The following CRPPA variants were observed in gnomAD, a reference collection of about 807,000 sequenced individuals.
CRPPA encodes the protein CDP-L-ribitol pyrophosphorylase A.
CRPPA carries 43 observed loss-of-function variants against 52.0 expected under a neutral mutation model. The ratio of observed to expected loss-of-function variants is 0.83; its 90% CI spans 0.65 to 1.07. The LOEUF is 1.07. Ranked by LOEUF, CRPPA falls within the 50% of genes least tolerant of loss-of-function variation. The pLI, the probability that CRPPA is intolerant of heterozygous loss-of-function variation, is 0.00. For synonymous variants in CRPPA, 250 were observed against 203.5 expected (o/e 1.23, Z -1.94); for missense variants, 629 against 551.7 (o/e 1.14, Z -1.40).
intron 2 of CRPPA, among the ~76,000 whole-genome samples, chr7:16,390,339 T>C (rs1436135471): frequency 6.6e-6 from 1 of 152,176 alleles, no homozygotes; most frequent in Non-Finnish European, 1.5e-5. Flanking sequence ...AGCCCAACTC[T>C]GAATTATCTG....
At chr7:16,164,929 G>A (rs1427045409) in intron 9 of CRPPA, among the ~76,000 whole-genome samples, 1 of 151,998 alleles carries the variant, frequency 6.6e-6, no homozygotes, top group African/African-American at 2.4e-5. Context: ...CCCTCCTGTA[G>A]GAGGTGTATG....
intron 5 of CRPPA, among the ~76,000 whole-genome samples, chr7:16,291,243 A>C (rs1252922800): frequency 1.3e-5 from 2 of 151,970 alleles, no homozygotes; most frequent in Non-Finnish European, 2.9e-5. Flanking sequence ...AAAACTAAAA[A>C]TATAACTACT....
intron 9 of CRPPA, among the ~76,000 whole-genome samples, chr7:16,162,189 T>C (rs890479510): frequency 2.0e-5 from 3 of 152,218 alleles, no homozygotes; most frequent in African/African-American, 7.2e-5. Flanking sequence ...AGTTCTGTTC[T>C]GATCTTAGTC....
intron 8 of CRPPA, among the ~76,000 whole-genome samples, chr7:16,218,899 C>T (rs1257842201): frequency 6.6e-6 from 1 of 151,762 alleles, no homozygotes; most frequent in African/African-American, 2.4e-5. Flanking sequence ...AGAAAGTCAA[C>T]AAGGATACTC....
chr7:16,093,821 C>T (rs1398359952), intron 9 of CRPPA, among the ~76,000 whole-genome samples: 1 of 152,086 alleles, frequency 6.6e-6, no homozygotes, highest in African/African-American at 2.4e-5. Flanking sequence ...TCTTAATGAT[C>T]AATTAATTAT....
chr7:16,209,225 T>C, intron 9 of CRPPA: 2 of 297,792 alleles, frequency 6.7e-6, no homozygotes, highest in Non-Finnish European at 1.3e-5. Context: ...CATTTTGAAC[T>C]GGAAGGTGGT....
At chr7:16,316,982 G>A (rs1256092463) in intron 3 of CRPPA, among the ~76,000 whole-genome samples, 11 of 152,004 alleles carry the variant, frequency 7.2e-5, no homozygotes, top group South Asian at 2.1e-4. Flanking sequence ...CAGGGTATTC[G>A]TTTTCTTACA....
intron 9 of CRPPA, among the ~76,000 whole-genome samples, chr7:16,120,483 A>G (rs191857051): frequency 6.6e-6 from 1 of 152,284 alleles, no homozygotes; most frequent in East Asian, 1.9e-4. Flanking sequence ...GTACTTAGAG[A>G]AGGGTAAACA....
intron 3 of CRPPA, among the ~76,000 whole-genome samples, chr7:16,326,468 G>C (rs1456372891): frequency 6.6e-6 from 1 of 152,192 alleles, no homozygotes; most frequent in Non-Finnish European, 1.5e-5. Flanking sequence ...TTCCTCTAGA[G>C]AATCCTCCTG....
chr7:16,348,540 G>A (rs1350483380), intron 3 of CRPPA, among the ~76,000 whole-genome samples: 1 of 152,198 alleles, frequency 6.6e-6, no homozygotes, highest in Non-Finnish European at 1.5e-5. Context: ...CTAGGTATAT[G>A]AGCGTCTCCT....
At chr7:16,278,437 T>C (rs1232885026) in intron 5 of CRPPA, among the ~76,000 whole-genome samples, 2 of 152,222 alleles carry the variant, frequency 1.3e-5, no homozygotes, top group African/African-American at 4.8e-5. Context: ...TTGAACACTT[T>C]GTGGGTGAAG....
At chr7:16,362,832 CT>C (rs1562654513) in intron 3 of CRPPA, among the ~76,000 whole-genome samples, 1 of 151,988 alleles carries the variant, frequency 6.6e-6, no homozygotes, top group Non-Finnish European at 1.5e-5. Flanking sequence ...TTTACTCTTC[CT>C]TTTTTTGGCT....
At chr7:16,376,265 T>C in intron 2 of CRPPA, 24 bp from the exon 3 acceptor site, 1 of 1,577,116 alleles carries the variant, frequency 6.3e-7, no homozygotes, top group African/African-American at 1.4e-5. Context: ...AGGCAAAGAA[T>C]ATATTTCACC....
chr7:16,284,778 A>G (rs960515601), intron 5 of CRPPA, among the ~76,000 whole-genome samples: 3 of 152,140 alleles, frequency 2.0e-5, no homozygotes, highest in African/African-American at 7.2e-5. Flanking sequence ...TGCTACTGAT[A>G]ATTTGAAAAG....
intron 9 of CRPPA, among the ~76,000 whole-genome samples, chr7:16,121,948 A>G (rs188636428): frequency 6.6e-6 from 1 of 152,230 alleles, no homozygotes; most frequent in East Asian, 1.9e-4. Context: ...AGTGAGGTGT[A>G]GGACATAGGA....
rs575869991 is a variant in CRPPA, at chr7:16,133,993, G to A, written c.1252-42194C>T. 6.7e-4 allele frequency among the ~76,000 whole-genome samples: 83 copies of A among 123,368 alleles called. 12 individuals carry two copies. The highest frequency in any genetic ancestry group is 2.1e-3 in the African/African-American group (80 of 38,232). 80.9% of individuals were successfully genotyped at this position (123,368 alleles called of 152,430 possible). A position where few individuals can be genotyped will look rare whatever the true frequency, so the allele number is the denominator to read the frequency against. On this transcript the variant is annotated intron_variant, in intron 9 of 9. Coordinates refer to ENST00000407010, the MANE Select transcript of CRPPA (RefSeq NM_001101426.4). ...GTTGCCCAGGCTGGAGTGCAGTGGCGCAATCTCGGCTCACTGTAAGCTCCG... is the reference window on the plus strand; with the variant it reads ...GTTGCCCAGGCTGGAGTGCAGTGGCACAATCTCGGCTCACTGTAAGCTCCG...
intron 3 of CRPPA, among the ~76,000 whole-genome samples, chr7:16,330,853 C>A (rs2128429892): frequency 6.6e-6 from 1 of 152,248 alleles, no homozygotes; most frequent in Middle Eastern, 3.4e-3. Context: ...ACATAATGAA[C>A]CTGTGGGAAA....
rs1187330759 is a variant in CRPPA at position 16,278,217 on chromosome 7, G to A, written c.845C>T (p.Ser282Phe). Residue 282 changes from serine (S) to phenylalanine (F), a missense_variant, in exon 6 of 10, where the codon TCC (serine) becomes TTC (phenylalanine). Physicochemically the swap from Ser to Phe is radical, Grantham distance 155. Transcript: ENST00000407010. The part of the protein sequence containing the change: ...AAESIIKERI[S>F]QEICVVMDTE... ...ATCCATAACTACACAAATCTCTTGG[G>A]AAATTCTCTCTGAAATTAAAAAAAA... 1.3e-6 allele frequency: 2 copies of A among 1,533,656 alleles called. No homozygotes were observed. Among genetic ancestry groups the A allele is most frequent in the Non-Finnish European group, 1.8e-6 (2 of 1,127,796 alleles).
At chr7:16,168,820 T>A (rs1324272989) in intron 9 of CRPPA, among the ~76,000 whole-genome samples, 1 of 152,186 alleles carries the variant, frequency 6.6e-6, no homozygotes, top group Non-Finnish European at 1.5e-5. Context: ...TATATGGCTT[T>A]ATTTACACAA....
Sources: allele counts gnomAD v4.1 joint callset (sites outside exome capture counted in the v4.1 genomes callset), GRCh38; gene constraint gnomAD v4.1.1; transcripts MANE v1.5; gene names NCBI Gene and HGNC (gene_info 2026-07-23, HGNC 2026-07-21).